The following PKHD1 variants were observed in gnomAD, a reference collection of about 807,000 sequenced individuals.
The protein encoded by PKHD1 is fibrocystin.
PKHD1 carries 291 observed loss-of-function variants against 412.0 expected under a neutral mutation model. That is an observed-to-expected ratio of 0.71 (90% CI 0.64 to 0.78). The LOEUF (loss-of-function observed/expected upper bound fraction) is 0.78. Among genes scored for constraint, PKHD1 ranks in the 30% least tolerant of loss-of-function variants. The pLI is 0.00. For synonymous variants in PKHD1, 1,777 were observed against 1,821.5 expected, an observed-to-expected ratio of 0.98 and a Z score of 0.62; for missense variants, 4,825 against 4,950.7, an observed-to-expected ratio of 0.97 and a Z score of 0.76.
chr6:51,872,221 A>G (rs1663230650), intron 46 of PKHD1, among the ~76,000 whole-genome samples: 1 of 152,158 alleles, frequency 6.6e-6, no homozygotes, highest in Admixed American at 6.5e-5. Flanking sequence ...ACTGTGCAGA[A>G]GGAAAGGATA....
intron 35 of PKHD1, among the ~76,000 whole-genome samples, chr6:51,979,115 C>G (rs1341917384): frequency 6.6e-6 from 1 of 152,174 alleles, no homozygotes; most frequent in African/African-American, 2.4e-5. Flanking sequence ...TGTCCATGAC[C>G]TCATAAATGC....
Position 51,906,196 on chromosome 6 carries a change from A to G in PKHD1, c.6808+19T>C, listed in dbSNP as rs1583304569. 4 of 1,606,252 alleles carry G rather than the reference A, an allele frequency of 2.5e-6. No individual in the cohort carries two copies. Among genetic ancestry groups the G allele is most frequent in the Non-Finnish European group, 3.4e-6 (4 of 1,173,424 alleles). On this transcript the variant is annotated intron_variant, in intron 41 of 66. Coordinates refer to ENST00000371117, the MANE Select transcript of PKHD1 (RefSeq NM_138694.4). ...TCCTACACAAGAATGCAGAAATTCA[A>G]CAAGCTTGTTTTACTTACCAACTAG...
At position 52,062,652 on chromosome 6, in the gene PKHD1, C is replaced by T. The variant is rs2128219129; in HGVS notation, c.985G>A (p.Gly329Arg). 1 of 1,614,112 alleles carries T rather than the reference C, an allele frequency of 6.2e-7. No individual in the cohort carries two copies. The highest frequency in any genetic ancestry group is 8.5e-7 in the Non-Finnish European group (1 of 1,179,978). ...GCATCTCCAACTTCAAAAAGAAGCCCTCGATTGCCTGTAAGACATGTAGAT... is the reference window on the plus strand; with the variant it reads ...GCATCTCCAACTTCAAAAAGAAGCCTTCGATTGCCTGTAAGACATGTAGAT... ...RLTTPQPGNRGLLFEVGDAVE... is the reference protein window; with the variant it reads ...RLTTPQPGNRRLLFEVGDAVE... Residue 329 changes from glycine to arginine, a missense_variant, in exon 14 of 67, where the codon GGG becomes AGG. Transcript: ENST00000371117.
chr6:51,788,785 T>C (rs1411239157), intron 53 of PKHD1, among the ~76,000 whole-genome samples: 1 of 152,184 alleles, frequency 6.6e-6, no homozygotes, highest in Non-Finnish European at 1.5e-5. Flanking sequence ...GCATATGACA[T>C]ATATTTTCTG....
At chr6:51,627,217 C>A in intron 65 of PKHD1, 101 bp from the exon 66 acceptor site, 3 of 1,011,076 alleles carry the variant, frequency 3.0e-6, no homozygotes, top group Non-Finnish European at 4.7e-6. Flanking sequence ...CCAAAATTAT[C>A]ATACACATGC....
chr6:52,028,452 C>A, intron 29 of PKHD1, 101 bp from the exon 30 acceptor site: 1 of 1,071,488 alleles, frequency 9.3e-7, no homozygotes, highest in Non-Finnish European at 1.4e-6. Context: ...TTCACAGTCA[C>A]CCCTATGCAT....
chr6:51,891,565 C>T (rs1259227899), intron 43 of PKHD1, among the ~76,000 whole-genome samples: 6 of 152,122 alleles, frequency 3.9e-5, no homozygotes, highest in Admixed American at 3.9e-4. Context: ...AGGCATGAGG[C>T]ACCGTGCCCA....
At chr6:51,915,284 T>C (rs930614091) in intron 37 of PKHD1, among the ~76,000 whole-genome samples, 1 of 152,126 alleles carries the variant, frequency 6.6e-6, no homozygotes, top group Non-Finnish European at 1.5e-5. Context: ...AACTTAATCC[T>C]GAGAGAAGGC....
intron 8 of PKHD1, 54 bp downstream of exon 8, chr6:52,072,061 T>A (rs772683914): frequency 7.9e-5 from 77 of 972,652 alleles, no homozygotes; most frequent in East Asian, 2.4e-4. Context: ...GTGTGTTGTA[T>A]CCATGTGGAC....
At chr6:51,780,807 A>T (rs954644805) in intron 53 of PKHD1, among the ~76,000 whole-genome samples, 3 of 152,192 alleles carry the variant, frequency 2.0e-5, no homozygotes, top group African/African-American at 7.2e-5. Context: ...TTTGTTGATC[A>T]AAAGAGGGGA....
intron 61 of PKHD1, among the ~76,000 whole-genome samples, chr6:51,657,885 G>A (rs999158458): frequency 2.0e-5 from 3 of 151,956 alleles, no homozygotes; most frequent in African/African-American, 7.2e-5. Context: ...CGACCTATTA[G>A]AAAGCTCAGT....
At position 51,632,629 on chromosome 6, in the gene PKHD1, A is replaced by G. The variant is rs1768062726; in HGVS notation, c.11601T>C (p.Ser3867=). 1 of 1,613,514 alleles carries G rather than the reference A, an allele frequency of 6.2e-7. No homozygotes were observed. The highest frequency in any genetic ancestry group is 8.5e-7 in the Non-Finnish European group (1 of 1,179,672). Residue 3867 remains serine (S), a synonymous_variant, in exon 65 of 67, where the codon TCT becomes TCC. Transcript: ENST00000371117. ...STIILAASLS[S]VASWLALSCL... is the part of the protein sequence containing the mutation. ...AGCTCAGAGCCAGCCATGAGGCCAC[A>G]GAGGACAGGGAAGCAGCCAGGATGA... is the stretch of plus-strand genomic sequence containing the variant.
chr6:51,859,769 A>G (rs183174782), intron 48 of PKHD1, among the ~76,000 whole-genome samples: 3 of 152,230 alleles, frequency 2.0e-5, no homozygotes, highest in African/African-American at 7.2e-5. Context: ...CATTTTTCAG[A>G]TAATCTCCCC....
At chr6:51,989,608 G>A (rs1040744627) in intron 35 of PKHD1, among the ~76,000 whole-genome samples, 3 of 151,892 alleles carry the variant, frequency 2.0e-5, no homozygotes, top group Non-Finnish European at 4.4e-5. Context: ...TTATCTAGAG[G>A]AACTTTGTTT....
At chr6:51,772,442 G>A (rs6921856) in intron 55 of PKHD1, among the ~76,000 whole-genome samples, 3 of 151,340 alleles carry the variant, frequency 2.0e-5, no homozygotes, top group African/African-American at 4.9e-5. Context: ...AGATTTTATG[G>A]ACAGCAATAA....
At chr6:51,741,391 TTC>T (rs1197334339) in intron 60 of PKHD1, among the ~76,000 whole-genome samples, 1 of 152,160 alleles carries the variant, frequency 6.6e-6, no homozygotes, top group Non-Finnish European at 1.5e-5. Flanking sequence ...ATCAATGTTT[TTC>T]TCTTTTTTTT....
At chr6:51,822,563 C>T (rs143868450) in intron 52 of PKHD1, among the ~76,000 whole-genome samples, 1 of 152,214 alleles carries the variant, frequency 6.6e-6, no homozygotes, top group East Asian at 1.9e-4. Context: ...GAGTCCTAAC[C>T]CCCATTCAAT....
chr6:51,994,406 G>A (rs1583781131), intron 35 of PKHD1, among the ~76,000 whole-genome samples: 1 of 152,084 alleles, frequency 6.6e-6, no homozygotes, highest in East Asian at 1.9e-4. Flanking sequence ...GAGTCCTGGG[G>A]TTACAGGCGT....
intron 35 of PKHD1, among the ~76,000 whole-genome samples, chr6:51,961,269 G>A (rs769364536): frequency 7.2e-5 from 11 of 152,222 alleles, no homozygotes; most frequent in Non-Finnish European, 1.2e-4. Context: ...GAGCCGTTAC[G>A]TTTTCCAGAA....
Sources: allele counts gnomAD v4.1 joint callset (sites outside exome capture counted in the v4.1 genomes callset), GRCh38; gene constraint gnomAD v4.1.1; transcripts MANE v1.5; gene names NCBI Gene and HGNC (gene_info 2026-07-23, HGNC 2026-07-21).